CPVL: variants seen among roughly 807,000 people sequenced by gnomAD.
CPVL encodes probable serine carboxypeptidase CPVL.
Under a neutral mutation model 63.7 loss-of-function variants are expected in CPVL, and 51 were observed. The ratio of observed to expected loss-of-function variants is 0.80; its 90% confidence interval spans 0.64 to 1.01. The LOEUF is 1.01. Ranked by LOEUF, CPVL falls within the 50% of genes least tolerant of loss-of-function variation. The pLI, the probability that CPVL is intolerant of heterozygous loss-of-function variation, is 0.00. For missense variants in CPVL, 530 were observed against 573.1 expected, an observed-to-expected ratio of 0.92 and a Z score of 0.77; for synonymous variants, 195 against 206.0, an observed-to-expected ratio of 0.95 and a Z score of 0.46.
At chr7:29,133,563 C>T (rs1790908354) in intron 1 of CPVL, among the ~76,000 whole-genome samples, 2 of 152,196 alleles carry the variant, frequency 1.3e-5, no homozygotes, top group South Asian at 4.1e-4. Flanking sequence ...CAACTGCCTG[C>T]CTAACATTTT....
At chr7:29,095,048 C>T (rs765947908) in intron 5 of CPVL, 36 bp downstream of exon 5, 24 of 1,524,790 alleles carry the variant, frequency 1.6e-5, no homozygotes, top group Non-Finnish European at 2.1e-5. Context: ...CAGGAGACGC[C>T]AGCACTGACA....
At chr7:29,064,793 C>A (rs566148943) in intron 10 of CPVL, among the ~76,000 whole-genome samples, 2 of 152,006 alleles carry the variant, frequency 1.3e-5, no homozygotes, top group Non-Finnish European at 2.9e-5. Flanking sequence ...ATCCCTCCCC[C>A]CTACCCCCAC....
At chr7:29,063,297 G>A (rs1316367194) in intron 11 of CPVL, among the ~76,000 whole-genome samples, 1 of 152,108 alleles carries the variant, frequency 6.6e-6, no homozygotes, top group African/African-American at 2.4e-5. Context: ...ACACCCTAAG[G>A]AGAGACTCAA....
intron 2 of CPVL, among the ~76,000 whole-genome samples, chr7:29,117,823 T>G (rs1158590337): frequency 6.6e-6 from 1 of 152,174 alleles, no homozygotes; most frequent in Non-Finnish European, 1.5e-5. Context: ...AAATTTAAAT[T>G]CCATACATAT....
chr7:29,192,947 G>GT (rs984105636), intron 1 of CPVL: 4 of 152,258 alleles, frequency 2.6e-5, no homozygotes, highest in African/African-American at 9.6e-5. Flanking sequence ...TGGGGAAACA[G>GT]TAAGTTCCTT....
intron 5 of CPVL, among the ~76,000 whole-genome samples, chr7:29,168,748 T>C (rs1217062446): frequency 6.6e-6 from 1 of 152,236 alleles, no homozygotes; most frequent in African/African-American, 2.4e-5. Flanking sequence ...AAAACTATTT[T>C]TCCATTATAT....
At chr7:29,194,274 T>C (rs1584680857) in intron 1 of CPVL, 1 of 137,856 alleles carries the variant, frequency 7.3e-6, no homozygotes, top group African/African-American at 2.8e-5. Flanking sequence ...GGCCCCGGCC[T>C]CCCCAGCACC....
chr7:29,040,898 T>G (rs1431189964), intron 11 of CPVL, among the ~76,000 whole-genome samples: 1 of 152,168 alleles, frequency 6.6e-6, no homozygotes, highest in Non-Finnish European at 1.5e-5. Context: ...AAAGCCATCA[T>G]TCTGATGCAA....
intron 11 of CPVL, among the ~76,000 whole-genome samples, chr7:29,042,937 G>A (rs75178314): frequency 0.014 from 2,076 of 152,306 alleles, 27 homozygotes; most frequent in Non-Finnish European, 0.021. Flanking sequence ...GCCCTCCTTG[G>A]ATTCTGGCTG....
chr7:29,170,353 G>A (rs1796437436), intron 5 of CPVL, among the ~76,000 whole-genome samples: 1 of 152,142 alleles, frequency 6.6e-6, no homozygotes, highest in South Asian at 2.1e-4. Context: ...TTTCCTTCAT[G>A]TCAGTGTTCC....
chr7:29,113,939 A>G (rs1788509499), intron 2 of CPVL, among the ~76,000 whole-genome samples: 1 of 152,206 alleles, frequency 6.6e-6, no homozygotes, highest in African/African-American at 2.4e-5. Context: ...GTCACTCAAG[A>G]AAAGCGATGT....
At chr7:29,027,718 T>A (rs1787636561) in intron 12 of CPVL, among the ~76,000 whole-genome samples, 1 of 152,078 alleles carries the variant, frequency 6.6e-6, no homozygotes, top group Non-Finnish European at 1.5e-5. Flanking sequence ...AAGAAAGCAA[T>A]CCCATTTACA....
chr7:29,189,772 C>G (rs745931459), intron 1 of CPVL, among the ~76,000 whole-genome samples: 2 of 152,084 alleles, frequency 1.3e-5, no homozygotes, highest in African/African-American at 2.4e-5. Context: ...CTGCATGTGC[C>G]GATCTGATCC....
intron 5 of CPVL, among the ~76,000 whole-genome samples, chr7:29,178,542 C>T (rs922290707): frequency 2.6e-5 from 4 of 152,198 alleles, no homozygotes; most frequent in East Asian, 1.9e-4. Context: ...CTCCGAGAGA[C>T]GTTGCCTGAC....
chr7:29,080,296 AC>A (rs1195417980), intron 7 of CPVL: 2 of 152,334 alleles, frequency 1.3e-5, no homozygotes, highest in Admixed American at 1.3e-4. Flanking sequence ...GCAGTGGCTT[AC>A]ATCTGTAATC....
intron 7 of CPVL, among the ~76,000 whole-genome samples, chr7:29,078,521 T>C (rs920372111): frequency 6.6e-6 from 1 of 152,250 alleles, no homozygotes; most frequent in Admixed American, 6.5e-5. Context: ...TGGGCCGCAG[T>C]CAACAAACTG....
chr7:29,119,681 T>G (rs1789155764), intron 2 of CPVL, among the ~76,000 whole-genome samples: 1 of 152,146 alleles, frequency 6.6e-6, no homozygotes, highest in South Asian at 2.1e-4. Context: ...CTTATCTCAT[T>G]GGATTTTCAT....
At chr7:29,139,533 G>A (rs189302885) in intron 1 of CPVL, among the ~76,000 whole-genome samples, 4 of 151,990 alleles carry the variant, frequency 2.6e-5, no homozygotes, top group Non-Finnish European at 4.4e-5. Flanking sequence ...GCTATTCTTG[G>A]GGGGGCAGGG....
chr7:29,194,896 G>T, intron 1 of CPVL: 2 of 1,442,932 alleles, frequency 1.4e-6, no homozygotes, highest in Non-Finnish European at 1.8e-6. Flanking sequence ...CGGCGGCGGC[G>T]TCCGCACCGG....
Sources: gnomAD v4.1 joint callset for allele counts (sites outside exome capture counted in the v4.1 genomes callset) on GRCh38, gnomAD v4.1.1 for gene constraint, MANE v1.5 for transcripts, NCBI Gene and HGNC (gene_info 2026-07-23, HGNC 2026-07-21) for gene names.